The following PNMA8C variants were observed in gnomAD, a reference collection of about 807,000 sequenced individuals.
PNMA8C encodes the protein paraneoplastic antigen-like protein 8C.
rs1211646712 is a variant in PNMA8C, at chr19:46,426,599, A to G, written c.*1146T>C. The G allele has an allele frequency of 3.3e-5, 5 of 152,214 alleles. No homozygotes were observed. Among genetic ancestry groups the G allele is most frequent in the African/African-American group, 1.2e-4 (5 of 41,454 alleles). 9.4% of individuals were successfully genotyped at this position (152,214 alleles called of 1,614,324 possible). A position where few individuals can be genotyped will look rare whatever the true frequency, so the allele number is the denominator to read the frequency against. Reference sequence around the variant, plus strand: ...CCGTGCCGCCCGCCTCCCCCCAGCAAGAGAGGCTGTCCCCAGAATCAGGCC... The same window carrying G: ...CCGTGCCGCCCGCCTCCCCCCAGCAGGAGAGGCTGTCCCCAGAATCAGGCC... On this transcript the variant is annotated 3_prime_UTR_variant, in exon 1 of 1. Coordinates refer to ENST00000617053, the MANE Select transcript of PNMA8C (RefSeq NM_001386793.1).
Position 46,426,118 on chromosome 19 carries a change from C to T in PNMA8C, c.*1627G>A, listed in dbSNP as rs551974596. 84 of 152,306 alleles carry T rather than the reference C, an allele frequency of 5.5e-4. No homozygotes were observed. Among genetic ancestry groups the T allele is most frequent in the African/African-American group, 1.9e-3 (81 of 41,568 alleles). The allele number at this position is 152,306 out of a possible 1,614,324, so 9.4% of individuals were successfully genotyped here. A position where few individuals can be genotyped will look rare whatever the true frequency, so the allele number is the denominator to read the frequency against. ...TTCTTCTTCACCTCAGTGTTAACGT[C>T]GTTCATTGGTAACTCTTGAAAATGG... On this transcript the variant is annotated 3_prime_UTR_variant, in exon 1 of 1. Transcript: ENST00000617053.
Position 46,426,303 on chromosome 19 carries a change from G to T in PNMA8C, c.*1442C>A, listed in dbSNP as rs1391943549. ...GCGCCAATCGGGGCAGAAGGGTCCC[G>T]CTTCTGACCACTTCTGTAAGAGAGA... On this transcript the variant is annotated 3_prime_UTR_variant, in exon 1 of 1. Coordinates refer to ENST00000617053, the MANE Select transcript of PNMA8C (RefSeq NM_001386793.1). 6.6e-6 allele frequency: 1 copy of T among 152,090 alleles called. No individual in the cohort carries two copies. The highest frequency in any genetic ancestry group is 1.5e-5 in the Non-Finnish European group (1 of 68,044). 9.4% of individuals were successfully genotyped at this position (152,090 alleles called of 1,614,324 possible).
Position 46,427,837 on chromosome 19 carries a change from C to T in PNMA8C, c.523G>A (p.Glu175Lys), listed in dbSNP as rs1347209727. 2.5e-6 allele frequency: 1 copy of T among 398,646 alleles called. No individual in the cohort carries two copies. The highest frequency in any genetic ancestry group is 4.4e-6 in the Non-Finnish European group (1 of 226,120). The allele number at this position is 398,646 out of a possible 1,614,324, so 24.7% of individuals were successfully genotyped here. Reference sequence around the variant, plus strand: ...CCAACTCCAGCCTTGCTCTCCTTCTCGGAGGAGTCCAGAGGTGGCACCACG... The same window carrying T: ...CCAACTCCAGCCTTGCTCTCCTTCTTGGAGGAGTCCAGAGGTGGCACCACG... ...MDVVPPLDSS[E>K]KESKAGVGKR... The change falls in exon 1 of 1, where the codon GAG (glutamate) becomes AAG (lysine). Residue 175 changes from glutamate (E) to lysine (K), a missense_variant. By Grantham distance (56) the Glu-to-Lys change is moderately conservative (BLOSUM62 1). Transcript: ENST00000617053.
Position 46,427,878 on chromosome 19 carries a change from GC to G in PNMA8C, c.481del (p.Ala161ProfsTer61). The G allele has an allele frequency of 2.5e-6, 1 of 398,540 alleles. No homozygotes were observed. Among genetic ancestry groups the G allele is most frequent in the South Asian group, 1.3e-4 (1 of 7,846 alleles). The allele number at this position is 398,540 out of a possible 1,614,324, so 24.7% of individuals were successfully genotyped here. ...PGLGEKPEAGATVQMDVVPPL... is the reference protein window; with the variant it reads ...PGLGEKPEAGXTVQMDVVPPL... ...TGGCACCACGTCCATCTGGACGGTG[GC>G]CCCAGCCTCCGGTTTCTCCCCCAGC... On this transcript the variant is annotated frameshift_variant, in exon 1 of 1. Transcript: ENST00000617053. LOFTEE classifies it low-confidence loss of function (END_TRUNC).
At position 46,426,069 on chromosome 19, in the gene PNMA8C, T is replaced by C. The variant is rs1473675280; in HGVS notation, c.*1676A>G. The C allele has an allele frequency of 1.3e-5, 2 of 152,216 alleles. No homozygotes were observed. The highest frequency in any genetic ancestry group is 2.9e-5 in the Non-Finnish European group (2 of 68,044). The allele number at this position is 152,216 out of a possible 1,614,324, so 9.4% of individuals were successfully genotyped here. A position where few individuals can be genotyped will look rare whatever the true frequency, so the allele number is the denominator to read the frequency against. ...AAAAGATCTGCCTACTCACATGTAT[T>C]TGGATTTTACCTGATTTTTAAAATT... On this transcript the variant is annotated 3_prime_UTR_variant, in exon 1 of 1. Transcript: ENST00000617053.
Position 46,428,276 on chromosome 19 carries a change from G to C in PNMA8C, c.84C>G (p.Ile28Met). 2.5e-6 allele frequency: 1 copy of C among 398,676 alleles called. No individual in the cohort carries two copies. Among genetic ancestry groups the C allele is most frequent in the Non-Finnish European group, 4.4e-6 (1 of 226,100 alleles). 24.7% of individuals were successfully genotyped at this position (398,676 alleles called of 1,614,324 possible). A position where few individuals can be genotyped will look rare whatever the true frequency, so the allele number is the denominator to read the frequency against. Residue 28 changes from isoleucine (I) to methionine (M), a missense_variant, in exon 1 of 1, where the codon ATC (isoleucine) becomes ATG (methionine). Transcript: ENST00000617053. ...GGTTGCAGTCCTCCGGGATCCCCAG[G>C]ATCATCAGGGACTTGTAACTGTCCA... is the stretch of plus-strand genomic sequence containing the variant. ...LEVDSYKSLMILGIPEDCNHE... is the reference protein window; with the variant it reads ...LEVDSYKSLMMLGIPEDCNHE...
In PNMA8C at chr19:46,428,351, G is replaced by C; in HGVS notation, c.9C>G (p.Phe3Leu). MLFGVKDIALLEH... is the reference protein window; with the variant it reads MLLGVKDIALLEH... ...CCAACAGTGCAATGTCCTTCACCCC[G>C]AACAGCATCTTGCCCAACTCTTTGA... Residue 3 changes from phenylalanine (F) to leucine (L), a missense_variant, in exon 1 of 1, where the codon TTC (phenylalanine) becomes TTG (leucine). Physicochemically the swap from Phe to Leu is conservative, Grantham distance 22. Coordinates refer to ENST00000617053, the MANE Select transcript of PNMA8C (RefSeq NM_001386793.1). 1 of 398,662 alleles carries C rather than the reference G, an allele frequency of 2.5e-6. No individual in the cohort carries two copies. The highest frequency in any genetic ancestry group is 3.6e-5 in the East Asian group (1 of 28,070). 24.7% of individuals were successfully genotyped at this position (398,662 alleles called of 1,614,324 possible).
At position 46,426,894 on chromosome 19, in the gene PNMA8C, G is replaced by A. The variant is rs537950151; in HGVS notation, c.*851C>T. 205 of 152,392 alleles carry A rather than the reference G, an allele frequency of 1.3e-3. No individual in the cohort carries two copies. Among genetic ancestry groups the A allele is most frequent in the Non-Finnish European group, 2.3e-3 (156 of 68,070 alleles). 9.4% of individuals were successfully genotyped at this position (152,392 alleles called of 1,614,324 possible). ...CTGGTCCCGCGGGGTCTCCCGAGTA[G>A]CGGAAGATATTTGTGGGTCTTTGAG... On this transcript the variant is annotated 3_prime_UTR_variant, in exon 1 of 1. Transcript: ENST00000617053.
At position 46,428,547 on chromosome 19, in the gene PNMA8C, C is replaced by T. The variant is rs968603905; in HGVS notation, c.-188G>A. ...AGTGAAGGATGCCCCCAGCCCCTGC[C>T]TGCAGGGCTGTGCAACGTCGGGGCT... On this transcript the variant is annotated 5_prime_UTR_variant, in exon 1 of 1. Transcript: ENST00000617053. 1.0e-5 allele frequency: 4 copies of T among 396,038 alleles called. No homozygotes were observed. Among genetic ancestry groups the T allele is most frequent in the African/African-American group, 2.1e-5 (1 of 48,614 alleles). The allele number at this position is 396,038 out of a possible 1,614,324, so 24.5% of individuals were successfully genotyped here.
chr19:46,426,917 G>C lies in PNMA8C; in HGVS notation c.*828C>G, dbSNP rs549670045. The stretch of plus-strand genomic sequence containing the variant: ...TAGCGGAAGATATTTGTGGGTCTTT[G>C]AGACCCTTCCTCGCTTAGAAATTAC... On this transcript the variant is annotated 3_prime_UTR_variant, in exon 1 of 1. Transcript: ENST00000617053. 1.3e-5 allele frequency: 2 copies of C among 152,246 alleles called. No homozygotes were observed. Among genetic ancestry groups the C allele is most frequent in the Non-Finnish European group, 2.9e-5 (2 of 68,054 alleles). The allele number at this position is 152,246 out of a possible 1,614,324, so 9.4% of individuals were successfully genotyped here. A position where few individuals can be genotyped will look rare whatever the true frequency, so the allele number is the denominator to read the frequency against.
rs993258028 is a variant in PNMA8C at position 46,428,332 on chromosome 19, G to A, written c.28C>T (p.Leu10=). Reference sequence around the variant, plus strand: ...AGGGCCTTGCACCCGTGCTCCAACAGTGCAATGTCCTTCACCCCGAACAGC... The same window carrying A: ...AGGGCCTTGCACCCGTGCTCCAACAATGCAATGTCCTTCACCCCGAACAGC... The part of the protein sequence containing the change: MLFGVKDIA[L]LEHGCKALEV... Residue 10 remains leucine, a synonymous_variant, in exon 1 of 1, where the codon CTG becomes TTG. Coordinates refer to ENST00000617053, the MANE Select transcript of PNMA8C (RefSeq NM_001386793.1). 3.8e-5 allele frequency: 15 copies of A among 398,580 alleles called. No individual in the cohort carries two copies. Among genetic ancestry groups the A allele is most frequent in the Non-Finnish European group, 4.9e-5 (11 of 226,118 alleles). 24.7% of individuals were successfully genotyped at this position (398,580 alleles called of 1,614,324 possible). A position where few individuals can be genotyped will look rare whatever the true frequency, so the allele number is the denominator to read the frequency against.
In PNMA8C at chr19:46,427,862, G is replaced by A; in HGVS notation, c.498C>T (p.Asp166=). 2.5e-6 allele frequency: 1 copy of A among 398,354 alleles called. No homozygotes were observed. Among genetic ancestry groups the A allele is most frequent in the Non-Finnish European group, 4.4e-6 (1 of 226,038 alleles). The allele number at this position is 398,354 out of a possible 1,614,324, so 24.7% of individuals were successfully genotyped here. ...KPEAGATVQM[D]VVPPLDSSEK... ...CGGAGGAGTCCAGAGGTGGCACCAC[G>A]TCCATCTGGACGGTGGCCCCAGCCT... The change falls in exon 1 of 1, where the codon GAC becomes GAT. Residue 166 remains aspartate (D), a synonymous_variant. Transcript: ENST00000617053.
In PNMA8C at chr19:46,428,513, G is replaced by A; in HGVS notation, c.-154C>T. ...CGGAGGCCGCTCCCAGGACCCCTTC[G>A]TCCAGCTCAGTGAAGGATGCCCCCA... On this transcript the variant is annotated 5_prime_UTR_variant, in exon 1 of 1. The change creates a new upstream start codon in the 5' untranslated region. Transcript: ENST00000617053. The A allele has an allele frequency of 2.5e-6, 1 of 397,400 alleles. No homozygotes were observed. The highest frequency in any genetic ancestry group is 3.6e-5 in the East Asian group (1 of 28,050). 24.6% of individuals were successfully genotyped at this position (397,400 alleles called of 1,614,324 possible).
In PNMA8C at chr19:46,428,817, G is replaced by A. The variant is rs1175509533; in HGVS notation, c.-458C>T. 1.3e-5 allele frequency: 2 copies of A among 154,074 alleles called. No homozygotes were observed. The highest frequency in any genetic ancestry group is 4.8e-5 in the African/African-American group (2 of 41,520). The allele number at this position is 154,074 out of a possible 1,614,324, so 9.5% of individuals were successfully genotyped here. On this transcript the variant is annotated 5_prime_UTR_variant, in exon 1 of 1. Coordinates refer to ENST00000617053, the MANE Select transcript of PNMA8C (RefSeq NM_001386793.1). ...GACAACTGCCAACAGAGTGTCGTAG[G>A]CGCGGCCCTGGCAGGCAGGGAGGCG... is the stretch of plus-strand genomic sequence containing the variant.
In PNMA8C at chr19:46,428,567, G is replaced by A. The variant is rs1475882763; in HGVS notation, c.-208C>T. On this transcript the variant is annotated 5_prime_UTR_variant, in exon 1 of 1. Coordinates refer to ENST00000617053, the MANE Select transcript of PNMA8C (RefSeq NM_001386793.1). ...CCTGCCTGCAGGGCTGTGCAACGTC[G>A]GGGCTTCTGTGGCTCCCTCTGAGTG... 3 of 393,788 alleles carry A rather than the reference G, an allele frequency of 7.6e-6. No homozygotes were observed. Among genetic ancestry groups the A allele is most frequent in the South Asian group, 1.4e-4 (1 of 7,004 alleles). 24.4% of individuals were successfully genotyped at this position (393,788 alleles called of 1,614,324 possible). A position where few individuals can be genotyped will look rare whatever the true frequency, so the allele number is the denominator to read the frequency against.
chr19:46,427,047 ACT>A lies in PNMA8C; in HGVS notation c.*696_*697del, dbSNP rs1326266799. The stretch of plus-strand genomic sequence containing the variant: ...AATTATACGCGGATGCCACCCACAC[ACT>A]CTAATGCTACCCACACTCACTAACG... On this transcript the variant is annotated 3_prime_UTR_variant, in exon 1 of 1. Coordinates refer to ENST00000617053, the MANE Select transcript of PNMA8C (RefSeq NM_001386793.1). 6.6e-6 allele frequency: 1 copy of A among 152,042 alleles called. No homozygotes were observed. Among genetic ancestry groups the A allele is most frequent in the Non-Finnish European group, 1.5e-5 (1 of 68,030 alleles). 9.4% of individuals were successfully genotyped at this position (152,042 alleles called of 1,614,324 possible).
rs1601469838 is a variant in PNMA8C, at chr19:46,427,467, A to C, written c.*278T>G. On this transcript the variant is annotated 3_prime_UTR_variant, in exon 1 of 1. Coordinates refer to ENST00000617053, the MANE Select transcript of PNMA8C (RefSeq NM_001386793.1). ...TAAGATGAATAAATGAGCCACGGGCACCCAGACGTTAACCACACCCACTCA... is the reference window on the plus strand; with the variant it reads ...TAAGATGAATAAATGAGCCACGGGCCCCCAGACGTTAACCACACCCACTCA... 3.3e-6 allele frequency: 1 copy of C among 300,598 alleles called. No homozygotes were observed. The highest frequency in any genetic ancestry group is 5.5e-5 in the East Asian group (1 of 18,096). 18.6% of individuals were successfully genotyped at this position (300,598 alleles called of 1,614,324 possible). A position where few individuals can be genotyped will look rare whatever the true frequency, so the allele number is the denominator to read the frequency against.
Position 46,427,378 on chromosome 19 carries a change from A to G in PNMA8C, c.*367T>C, listed in dbSNP as rs540856022. ...GAGTGCCATGAAGGCAGGGATTTTT[A>G]TTGAGTTTACTCCCTTCCATATCCC... On this transcript the variant is annotated 3_prime_UTR_variant, in exon 1 of 1. Coordinates refer to ENST00000617053, the MANE Select transcript of PNMA8C (RefSeq NM_001386793.1). 139 of 170,166 alleles carry G rather than the reference A, an allele frequency of 8.2e-4. 1 individual carries two copies. The highest frequency in any genetic ancestry group is 3.1e-3 in the African/African-American group (132 of 42,248). The allele number at this position is 170,166 out of a possible 1,614,324, so 10.5% of individuals were successfully genotyped here. A position where few individuals can be genotyped will look rare whatever the true frequency, so the allele number is the denominator to read the frequency against.
rs952028462 is a variant in PNMA8C at position 46,427,638 on chromosome 19, C to A, written c.*107G>T. 17 of 390,576 alleles carry A rather than the reference C, an allele frequency of 4.4e-5. No individual in the cohort carries two copies. The highest frequency in any genetic ancestry group is 5.9e-5 in the Non-Finnish European group (13 of 222,100). The allele number at this position is 390,576 out of a possible 1,614,324, so 24.2% of individuals were successfully genotyped here. On this transcript the variant is annotated 3_prime_UTR_variant, in exon 1 of 1. Coordinates refer to ENST00000617053, the MANE Select transcript of PNMA8C (RefSeq NM_001386793.1). ...GTCATTCCCACCCTCCCTTGCATTA[C>A]CCACACTCACTCGCACTCCTTAAAC...
Sources: allele counts gnomAD v4.1 joint callset, GRCh38; gene constraint gnomAD v4.1.1; transcripts MANE v1.5; gene names NCBI Gene and HGNC (gene_info 2026-07-23, HGNC 2026-07-21).